Variants in TOP1 observed in about 807,000 individuals in gnomAD.
The protein encoded by TOP1 is DNA topoisomerase 1.
Under a neutral mutation model 111.1 loss-of-function variants are expected in TOP1, and 10 were observed. That is an observed-to-expected ratio of 0.09 (90% CI 0.06 to 0.15). TOP1 has a LOEUF of 0.15. Ranked by LOEUF, TOP1 falls within the 10% of genes least tolerant of loss-of-function variation. The probability of loss-of-function intolerance (pLI) is 1.00; values close to 1 mark genes in which losing one functional copy is unlikely to be tolerated. For synonymous variants in TOP1, 271 were observed against 302.9 expected (o/e 0.89, Z 1.10); for missense variants, 474 against 926.7 (o/e 0.51, Z 6.34).
At position 41,115,987 on chromosome 20, in the gene TOP1, G is replaced by C. The variant is rs749340595; in HGVS notation, c.1708-291G>C. Among the ~76,000 whole-genome samples the C allele has an allele frequency of 6.6e-6, 1 of 152,186 alleles. No homozygotes were observed. Among genetic ancestry groups the C allele is most frequent in the Non-Finnish European group, 1.5e-5 (1 of 68,030 alleles). On this transcript the variant is annotated intron_variant, in intron 16 of 20. Coordinates refer to ENST00000361337, the MANE Select transcript of TOP1 (RefSeq NM_003286.4). This position sits in a 1 kb window ranked among gnomAD's most constrained non-coding sequence, Gnocchi z 6.3. The stretch of plus-strand genomic sequence containing the variant: ...GCTGCTTAGGAGCCTCAGAAGGATT[G>C]CATGAGCCCGGGAGGTGGAGGCAGC...
rs2034004889 is a variant in TOP1 at position 41,097,937 on chromosome 20, G to A, written c.853-278G>A. On this transcript the variant is annotated intron_variant, in intron 10 of 20. Transcript: ENST00000361337. This position sits in a 1 kb window ranked among gnomAD's most constrained non-coding sequence, Gnocchi z 4.2. ...TTTCAAACTTGTATTCATAATGCCT[G>A]GGGGCTGTGTGCCACGGAGTCTAAG... 6.6e-6 allele frequency among the ~76,000 whole-genome samples: 1 copy of A among 152,178 alleles called. No homozygotes were observed.
intron 8 of TOP1, among the ~76,000 whole-genome samples, chr20:41,091,537 T>G (rs1334921643): frequency 2.0e-5 from 3 of 150,108 alleles, no homozygotes; most frequent in African/African-American, 7.4e-5. Flanking sequence ...ATAGGAAATG[T>G]AGCAAATTAT....
rs1568708379 is a variant in TOP1 at position 41,118,091 on chromosome 20, C to A, written c.1823-78C>A. On this transcript the variant is annotated intron_variant, in intron 17 of 20. Coordinates refer to ENST00000361337, the MANE Select transcript of TOP1 (RefSeq NM_003286.4). This position sits in a 1 kb window ranked among gnomAD's most constrained non-coding sequence, Gnocchi z 4.6. ...AGCCAGCAAAATCATGGGGACGAGG[C>A]ACTGGGGGAAGACATACTGTGTGTT... 2.0e-6 allele frequency: 3 copies of A among 1,481,100 alleles called. No individual in the cohort carries two copies. In the South Asian group the frequency reaches 4.0e-5, roughly 20 times the overall value. The allele number at this position is 1,481,100 out of a possible 1,614,324, so 91.7% of individuals were successfully genotyped here.
At chr20:41,051,425 G>A (rs2033404292) in intron 2 of TOP1, among the ~76,000 whole-genome samples, 12 of 152,152 alleles carry the variant, frequency 7.9e-5, no homozygotes, top group Admixed American at 7.9e-4. Flanking sequence ...TAAGATCATG[G>A]AATAGTTGAT....
At position 41,073,026 on chromosome 20, in the gene TOP1, C is replaced by A. The variant is rs553179996; in HGVS notation, c.156-3145C>A. The A allele has an allele frequency of 4.9e-5, 48 of 985,346 alleles. No individual in the cohort carries two copies. The South Asian group carries it at 1.9e-3, about 40-fold the overall frequency. 61.0% of individuals were successfully genotyped at this position (985,346 alleles called of 1,614,324 possible). A position where few individuals can be genotyped will look rare whatever the true frequency, so the allele number is the denominator to read the frequency against. On this transcript the variant is annotated intron_variant, in intron 3 of 20. Transcript: ENST00000361337. ...GCAGGAACTTTGAATTTCCTATATA[C>A]ATCTCTTTCTGGTTAGCAGGCAGAG... is the stretch of plus-strand genomic sequence containing the variant.
Position 41,112,961 on chromosome 20 carries a change from G to T in TOP1, c.1452+36G>T. ...CTTCCCATCGGCATTGTCTAGTGTTGAGCTTAACAAAGGGAGTTTCTGCTC... is the reference window on the plus strand; with the variant it reads ...CTTCCCATCGGCATTGTCTAGTGTTTAGCTTAACAAAGGGAGTTTCTGCTC... On this transcript the variant is annotated intron_variant, in intron 14 of 20. Coordinates refer to ENST00000361337, the MANE Select transcript of TOP1 (RefSeq NM_003286.4). This position sits in a 1 kb window ranked among gnomAD's most constrained non-coding sequence, Gnocchi z 5.8. 1.2e-6 allele frequency: 2 copies of T among 1,601,316 alleles called. No homozygotes were observed. The highest frequency in any genetic ancestry group is 2.2e-5 in the South Asian group (2 of 89,510).
intron 2 of TOP1, among the ~76,000 whole-genome samples, chr20:41,059,777 T>C (rs1003625147): frequency 7.2e-5 from 11 of 152,000 alleles, no homozygotes; most frequent in African/African-American, 2.7e-4. Flanking sequence ...GGGGAGAAAA[T>C]ATTCACAGTT....
chr20:41,104,884 C>T (rs534211876), intron 13 of TOP1, among the ~76,000 whole-genome samples: 7 of 152,166 alleles, frequency 4.6e-5, no homozygotes, highest in East Asian at 3.9e-4. Flanking sequence ...ATATTGCCAG[C>T]GGAAGAAGCA....
At position 41,112,766 on chromosome 20, in the gene TOP1, G is replaced by T. The variant is rs2034263394; in HGVS notation, c.1309-16G>T. 1 of 1,613,768 alleles carries T rather than the reference G, an allele frequency of 6.2e-7. No homozygotes were observed. The highest frequency in any genetic ancestry group is 8.5e-7 in the Non-Finnish European group (1 of 1,179,860). On this transcript the variant is annotated splice_polypyrimidine_tract_variant and intron_variant, in intron 13 of 20. Transcript: ENST00000361337. The surrounding 1 kb of genome is among the most constrained non-coding windows in gnomAD (Gnocchi z 5.8). ...CTGTCCCAAAGTAATCTACATTTGGGTTTGGGTCTTTACAGGGTGAGAAGG... is the reference window on the plus strand; with the variant it reads ...CTGTCCCAAAGTAATCTACATTTGGTTTTGGGTCTTTACAGGGTGAGAAGG...
Position 41,101,049 on chromosome 20 carries a change from T to G in TOP1, c.1164-160T>G. 1 of 649,606 alleles carries G rather than the reference T, an allele frequency of 1.5e-6. No homozygotes were observed. Among genetic ancestry groups the G allele is most frequent in the Non-Finnish European group, 2.6e-6 (1 of 379,364 alleles). The allele number at this position is 649,606 out of a possible 1,614,324, so 40.2% of individuals were successfully genotyped here. On this transcript the variant is annotated intron_variant, in intron 12 of 20. Coordinates refer to ENST00000361337, the MANE Select transcript of TOP1 (RefSeq NM_003286.4). This position sits in a 1 kb window ranked among gnomAD's most constrained non-coding sequence, Gnocchi z 4.1. ...TGAATATTTTCGGATGACAGTTGGC[T>G]GAGGGTAAGTAAAACCATGCATAAG...
chr20:41,059,637 T>G (rs2033520770), intron 2 of TOP1, among the ~76,000 whole-genome samples: 2 of 151,912 alleles, frequency 1.3e-5, no homozygotes, highest in South Asian at 4.1e-4. Context: ...AGCCCTTGAG[T>G]AGGCAACGAT....
Position 41,090,734 on chromosome 20 carries a change from G to C in TOP1, c.615-1738G>C, listed in dbSNP as rs368665792. Among the ~76,000 whole-genome samples, 8 of 152,254 alleles carry C rather than the reference G, an allele frequency of 5.3e-5. No individual in the cohort carries two copies. In the East Asian group the frequency reaches 1.2e-3, roughly 22 times the overall value. On this transcript the variant is annotated intron_variant, in intron 8 of 20. Transcript: ENST00000361337. ...TTGGCCAGGCTGGTCTCGAACTCTT[G>C]TCCTCAAGTGATCCGCCCACCCCAG...
rs186560892 is a variant in TOP1 at position 41,110,585 on chromosome 20, G to A, written c.1309-2197G>A. On this transcript the variant is annotated intron_variant, in intron 13 of 20. Transcript: ENST00000361337. The surrounding 1 kb of genome is among the most constrained non-coding windows in gnomAD (Gnocchi z 4.2). ...ATTCCACCCAACCACTCTGCTGAAT[G>A]GATAGCAGCTATATTAGAGAGACAA... is the stretch of plus-strand genomic sequence containing the variant. Among the ~76,000 whole-genome samples the A allele has an allele frequency of 1.3e-5, 2 of 152,332 alleles. No individual in the cohort carries two copies. Among genetic ancestry groups the A allele is most frequent in the Non-Finnish European group, 2.9e-5 (2 of 68,036 alleles).
intron 13 of TOP1, among the ~76,000 whole-genome samples, chr20:41,111,602 CT>C (rs1163578974): frequency 0.013 from 1,540 of 117,088 alleles, 23 homozygotes; most frequent in Non-Finnish European, 0.016. Context: ...CCCCCGCCCC[CT>C]TTTTTTTTTT....
intron 2 of TOP1, among the ~76,000 whole-genome samples, chr20:41,044,449 C>T (rs2033308523): frequency 1.3e-5 from 2 of 152,154 alleles, no homozygotes. Context: ...ATTGCTCTAT[C>T]TCAGTTTTGT....
In TOP1 at chr20:41,079,153, G is replaced by A. The variant is rs760402563; in HGVS notation, c.336-932G>A. On this transcript the variant is annotated intron_variant, in intron 5 of 20. Coordinates refer to ENST00000361337, the MANE Select transcript of TOP1 (RefSeq NM_003286.4). The surrounding 1 kb of genome is among the most constrained non-coding windows in gnomAD (Gnocchi z 4.0). ...GGGACCCAGTATGCTTTTTTTGGTC[G>A]GAGGTACTCTTGAAACCCTGTGAAT... Among the ~76,000 whole-genome samples, 9 of 152,032 alleles carry A rather than the reference G, an allele frequency of 5.9e-5. No individual in the cohort carries two copies. The highest frequency in any genetic ancestry group is 7.4e-5 in the Non-Finnish European group (5 of 67,966).
intron 2 of TOP1, among the ~76,000 whole-genome samples, chr20:41,036,186 C>G (rs1035389790): frequency 6.6e-6 from 1 of 152,094 alleles, no homozygotes; most frequent in Admixed American, 6.5e-5. Flanking sequence ...CTGCCTTGGT[C>G]CAGATTCTGG....
chr20:41,117,227 C>T (rs1421839358), intron 17 of TOP1, among the ~76,000 whole-genome samples: 1 of 151,830 alleles, frequency 6.6e-6, no homozygotes, highest in Admixed American at 6.6e-5. Context: ...GCGGTGTGCA[C>T]CTGTCATCCC....
chr20:41,122,254 C>A lies in TOP1; in HGVS notation c.2195+99C>A. On this transcript the variant is annotated intron_variant, in intron 20 of 20. Transcript: ENST00000361337. This position sits in a 1 kb window ranked among gnomAD's most constrained non-coding sequence, Gnocchi z 5.4. ...GCCTTCACATGCCATTCCTAAGCTA[C>A]ACACTTTAGTCCTCTGGGGAAACTT... 1.6e-6 allele frequency: 2 copies of A among 1,270,390 alleles called. No individual in the cohort carries two copies. Among genetic ancestry groups the A allele is most frequent in the South Asian group, 1.4e-5 (1 of 73,824 alleles). The allele number at this position is 1,270,390 out of a possible 1,614,324, so 78.7% of individuals were successfully genotyped here.
Sources: allele counts gnomAD v4.1 joint callset (sites outside exome capture counted in the v4.1 genomes callset), GRCh38; gene constraint gnomAD v4.1.1; non-coding constraint Gnocchi (gnomAD v3.1); transcripts MANE v1.5; gene names NCBI Gene and HGNC (gene_info 2026-07-23, HGNC 2026-07-21).